PLXNA2: variants seen among roughly 807,000 people sequenced by gnomAD.
The protein encoded by PLXNA2 is plexin A2, also known as plexin-A2.
Under a neutral mutation model 193.5 loss-of-function variants are expected in PLXNA2, and 91 were observed. The ratio of observed to expected loss-of-function variants is 0.47; its 90% CI spans 0.40 to 0.56. The LOEUF (loss-of-function observed/expected upper bound fraction) is 0.56. Among genes scored for constraint, PLXNA2 ranks in the 20% least tolerant of loss-of-function variants. The probability of loss-of-function intolerance (pLI) is 0.00; values close to 1 mark genes in which losing one functional copy is unlikely to be tolerated. For synonymous variants in PLXNA2, 997 were observed against 1,027.3 expected (o/e 0.97, Z 0.56); for missense variants, 1,995 against 2,503.2 (o/e 0.80, Z 4.33).
chr1:208,113,887 T>C (rs1667563986), intron 4 of PLXNA2, among the ~76,000 whole-genome samples: 1 of 152,146 alleles, frequency 6.6e-6, no homozygotes, highest in Non-Finnish European at 1.5e-5. Flanking sequence ...AAAGTGCTTA[T>C]GGCCTTTTTA....
rs561131176 is a variant in PLXNA2 at position 208,207,162 on chromosome 1, C to T, written c.1371+3118G>A. 4.6e-5 allele frequency among the ~76,000 whole-genome samples: 7 copies of T among 152,284 alleles called. No individual in the cohort carries two copies. The South Asian group carries it at 1.0e-3, about 23-fold the overall frequency. ...CTGGGACTACAGGCATGTGCCACCA[C>T]GCCTAGCTAATTTTTGTATTTTTAG... On this transcript the variant is annotated intron_variant, in intron 3 of 31. Coordinates refer to ENST00000367033, the MANE Select transcript of PLXNA2 (RefSeq NM_025179.4).
At chr1:208,156,365 G>A (rs1185346759) in intron 3 of PLXNA2, among the ~76,000 whole-genome samples, 1 of 152,108 alleles carries the variant, frequency 6.6e-6, no homozygotes, top group Non-Finnish European at 1.5e-5. Flanking sequence ...CCTAGAATGT[G>A]AGCATAGCTA....
At chr1:208,092,226 G>A (rs1666737936) in intron 9 of PLXNA2, among the ~76,000 whole-genome samples, 2 of 152,252 alleles carry the variant, frequency 1.3e-5, no homozygotes, top group African/African-American at 4.8e-5. Flanking sequence ...TAGGGATGGA[G>A]TTTCGACTGT....
intron 1 of PLXNA2, among the ~76,000 whole-genome samples, chr1:208,222,472 G>T (rs765189016): frequency 6.6e-6 from 1 of 152,178 alleles, no homozygotes; most frequent in Non-Finnish European, 1.5e-5. Context: ...GAGAGGCCAC[G>T]CTTGCCTCTT....
intron 7 of PLXNA2, 120 bp downstream of exon 7, chr1:208,096,610 T>C (rs1303960573): frequency 1.7e-6 from 2 of 1,189,224 alleles, no homozygotes; most frequent in African/African-American, 1.5e-5. Context: ...CGTAAACAAG[T>C]TGTCTAAGCC....
intron 12 of PLXNA2, among the ~76,000 whole-genome samples, chr1:208,065,961 A>G (rs912370316): frequency 1.3e-5 from 2 of 152,244 alleles, no homozygotes; most frequent in East Asian, 1.9e-4. Context: ...AATGAACTCA[A>G]TTAATGCTTT....
At chr1:208,191,067 C>T (rs559907850) in intron 3 of PLXNA2, among the ~76,000 whole-genome samples, 20 of 152,270 alleles carry the variant, frequency 1.3e-4, no homozygotes, top group Middle Eastern at 3.4e-3. Context: ...TGGAAAAGGG[C>T]GGTCCCAAAA....
chr1:208,135,692 T>C (rs1251327815), intron 4 of PLXNA2, among the ~76,000 whole-genome samples: 3 of 152,214 alleles, frequency 2.0e-5, no homozygotes, highest in African/African-American at 7.2e-5. Flanking sequence ...ATGGGGCAGC[T>C]AAACAGGGTG....
Position 208,023,916 on chromosome 1 carries a change from ACTCTGTAAAGAGGGGAACC to A in PLXNA2, c.*3308_*3326del, listed in dbSNP as rs1664264072. The A allele has an allele frequency of 2.6e-5, 4 of 152,178 alleles. No homozygotes were observed. The South Asian group carries it at 8.3e-4, about 32-fold the overall frequency. The allele number at this position is 152,178 out of a possible 1,614,324, so 9.4% of individuals were successfully genotyped here. A position where few individuals can be genotyped will look rare whatever the true frequency, so the allele number is the denominator to read the frequency against. Reference sequence around the variant, plus strand: ...GCTGATCCATGCTTTTAATGACTGAACTCTGTAAAGAGGGGAACCCTCTGCCAATGGGGGATCAAAATGG... The same window carrying A: ...GCTGATCCATGCTTTTAATGACTGAACTCTGCCAATGGGGGATCAAAATGG... On this transcript the variant is annotated 3_prime_UTR_variant, in exon 32 of 32. Transcript: ENST00000367033.
At chr1:208,167,030 A>C (rs1468209760) in intron 3 of PLXNA2, among the ~76,000 whole-genome samples, 2 of 152,208 alleles carry the variant, frequency 1.3e-5, no homozygotes, top group Non-Finnish European at 2.9e-5. Context: ...GCTACGTTGG[A>C]ATGTCAGTTT....
intron 5 of PLXNA2, among the ~76,000 whole-genome samples, 177 bp downstream of exon 5, chr1:208,102,967 AAAG>A (rs1289798721): frequency 6.6e-6 from 1 of 152,244 alleles, no homozygotes; most frequent in Non-Finnish European, 1.5e-5. Flanking sequence ...CTGCACTTAG[AAAG>A]AAGGCCCACC....
chr1:208,119,069 C>A (rs556439501), intron 4 of PLXNA2, among the ~76,000 whole-genome samples: 14 of 152,300 alleles, frequency 9.2e-5, no homozygotes, highest in Admixed American at 5.2e-4. Context: ...ATACACACCA[C>A]GGGTGATGCA....
Position 208,082,400 on chromosome 1 carries a change from G to C in PLXNA2, c.2395+12C>G. ...GAAAAGATCAAACTTCTACCCGGAA[G>C]TAGCCGCTTACCTTTCAGGTCCTGA... is the stretch of plus-strand genomic sequence containing the variant. On this transcript the variant is annotated intron_variant, in intron 11 of 31. Transcript: ENST00000367033. The surrounding 1 kb of genome is among the most constrained non-coding windows in gnomAD (Gnocchi z 4.2). 6.2e-7 allele frequency: 1 copy of C among 1,610,306 alleles called. No homozygotes were observed. The highest frequency in any genetic ancestry group is 8.5e-7 in the Non-Finnish European group (1 of 1,176,736).
chr1:208,079,523 T>C (rs1010084718), intron 11 of PLXNA2, 73 bp from the exon 12 acceptor site: 2 of 1,071,928 alleles, frequency 1.9e-6, no homozygotes, highest in African/African-American at 3.1e-5. Context: ...CTTGCAGGTG[T>C]GATAGAAATG....
intron 29 of PLXNA2, chr1:208,031,270 T>A: frequency 8.5e-7 from 1 of 1,178,918 alleles, no homozygotes; most frequent in Non-Finnish European, 1.1e-6. Context: ...TTCCCCCAGC[T>A]CCCTTCTCCT....
In PLXNA2 at chr1:208,026,752, T is replaced by C. The variant is rs555511147; in HGVS notation, c.*491A>G. ...TTCTCTGGCATTTGGAAATAGGCAT[T>C]ATATAAAGAAGGAGGAATGGGAGAA... On this transcript the variant is annotated 3_prime_UTR_variant, in exon 32 of 32. Coordinates refer to ENST00000367033, the MANE Select transcript of PLXNA2 (RefSeq NM_025179.4). 6.6e-6 allele frequency: 1 copy of C among 152,548 alleles called. No homozygotes were observed. Among genetic ancestry groups the C allele is most frequent in the South Asian group, 2.1e-4 (1 of 4,808 alleles). The allele number at this position is 152,548 out of a possible 1,614,324, so 9.4% of individuals were successfully genotyped here.
rs781538246 is a variant in PLXNA2, at chr1:208,041,771, C to T, written c.4286+327G>A. On this transcript the variant is annotated intron_variant, in intron 22 of 31. Transcript: ENST00000367033. ...ATAGGAATTATTTTTCTCATTTTGTCTAGGAGGAAACTAAACAACAGAGTG... is the reference window on the plus strand; with the variant it reads ...ATAGGAATTATTTTTCTCATTTTGTTTAGGAGGAAACTAAACAACAGAGTG... 1.1e-4 allele frequency among the ~76,000 whole-genome samples: 17 copies of T among 152,296 alleles called. No individual in the cohort carries two copies. In the South Asian group the frequency reaches 1.7e-3, roughly 15 times the overall value.
chr1:208,029,277 T>A, intron 29 of PLXNA2: 1 of 1,343,298 alleles, frequency 7.4e-7, no homozygotes, highest in Non-Finnish European at 9.6e-7. Flanking sequence ...ATCTCTAACA[T>A]CCGAGGGGTG....
chr1:208,089,846 A>G (rs996664448), intron 9 of PLXNA2, among the ~76,000 whole-genome samples: 14 of 152,192 alleles, frequency 9.2e-5, no homozygotes, highest in African/African-American at 3.4e-4. Context: ...CTGGAAATCC[A>G]GGGGATTCTA....
Sources: gnomAD v4.1 joint callset for allele counts (sites outside exome capture counted in the v4.1 genomes callset) on GRCh38, gnomAD v4.1.1 for gene constraint, Gnocchi (gnomAD v3.1) non-coding constraint, MANE v1.5 for transcripts, NCBI Gene and HGNC (gene_info 2026-07-23, HGNC 2026-07-21) for gene names.